Variants in GRM8 observed in about 807,000 individuals in gnomAD.
The protein encoded by GRM8 is glutamate metabotropic receptor 8.
In GRM8, 47 loss-of-function variants were observed where a neutral mutation model predicts 87.2. That is an observed-to-expected ratio of 0.54 (90% CI 0.43 to 0.69). The LOEUF (loss-of-function observed/expected upper bound fraction) is 0.69. Ranked by LOEUF, GRM8 falls within the 30% of genes least tolerant of loss-of-function variation. The probability of loss-of-function intolerance (pLI) is 0.00; values close to 1 mark genes in which losing one functional copy is unlikely to be tolerated. For synonymous variants in GRM8, 396 were observed against 404.5 expected (o/e 0.98, Z 0.25); for missense variants, 1,019 against 1,139.2 (o/e 0.89, Z 1.52).
intron 8 of GRM8, among the ~76,000 whole-genome samples, chr7:126,537,774 C>CA (rs908944819): frequency 6.7e-5 from 10 of 149,448 alleles, no homozygotes; most frequent in East Asian, 2.0e-4. Flanking sequence ...GAGACTCCGT[C>CA]AAAAAAAACA....
intron 3 of GRM8, among the ~76,000 whole-genome samples, chr7:127,001,657 T>A (rs189576055): frequency 4.0e-5 from 6 of 151,786 alleles, no homozygotes; most frequent in Admixed American, 4.0e-4. Context: ...TTTGGCAGAT[T>A]CTTATAACGT....
chr7:126,878,746 C>T (rs565203074), intron 6 of GRM8, among the ~76,000 whole-genome samples: 44 of 152,080 alleles, frequency 2.9e-4, no homozygotes, highest in Non-Finnish European at 4.9e-4. Context: ...AGGCTGTTCC[C>T]GAACTCCTGA....
chr7:127,077,631 C>G (rs1239275841), intron 3 of GRM8, among the ~76,000 whole-genome samples: 1 of 152,228 alleles, frequency 6.6e-6, no homozygotes. Flanking sequence ...GATATAGAGT[C>G]AGTTTGCATT....
chr7:126,657,481 T>C (rs1804653584), intron 7 of GRM8, among the ~76,000 whole-genome samples: 1 of 152,182 alleles, frequency 6.6e-6, no homozygotes, highest in African/African-American at 2.4e-5. Context: ...ACAGCATTAG[T>C]AAACCAAATA....
chr7:126,466,225 G>C (rs1804489875), intron 9 of GRM8, among the ~76,000 whole-genome samples: 1 of 151,646 alleles, frequency 6.6e-6, no homozygotes, highest in South Asian at 2.1e-4. Flanking sequence ...ATTATAAAGA[G>C]GGTATTTTTT....
chr7:127,072,151 C>A lies in GRM8; in HGVS notation c.727+34345G>T, dbSNP rs570439059. 1.1e-4 allele frequency among the ~76,000 whole-genome samples: 17 copies of A among 152,190 alleles called. No individual in the cohort carries two copies. In the South Asian group the frequency reaches 3.3e-3, roughly 30 times the overall value. On this transcript the variant is annotated intron_variant, in intron 3 of 10. Transcript: ENST00000339582. ...AATATATCGTGTTTCCTTGCCTGTGCACACCTGGTTCACCCAAACATCACC... is the reference window on the plus strand; with the variant it reads ...AATATATCGTGTTTCCTTGCCTGTGAACACCTGGTTCACCCAAACATCACC...
At chr7:126,596,726 G>A (rs1376092114) in intron 8 of GRM8, among the ~76,000 whole-genome samples, 2 of 152,118 alleles carry the variant, frequency 1.3e-5, no homozygotes. Context: ...CATAGTATAA[G>A]CATATGCACT....
At chr7:126,773,505 AAT>A (rs1292640935) in intron 6 of GRM8, among the ~76,000 whole-genome samples, 1 of 152,172 alleles carries the variant, frequency 6.6e-6, no homozygotes, top group Non-Finnish European at 1.5e-5. Flanking sequence ...TTCTTGATTT[AAT>A]ATATTATCAT....
intron 6 of GRM8, among the ~76,000 whole-genome samples, chr7:126,880,185 G>T (rs548733141): frequency 1.1e-4 from 16 of 152,262 alleles, no homozygotes; most frequent in Admixed American, 1.0e-3. Context: ...TAAATTGGTG[G>T]ATGGAGCTCA....
intron 8 of GRM8, among the ~76,000 whole-genome samples, chr7:126,581,657 GT>G (rs1028671288): frequency 6.6e-6 from 1 of 151,952 alleles, no homozygotes; most frequent in South Asian, 2.1e-4. Context: ...CTGATAGCAT[GT>G]TTTTTTGCAA....
intron 3 of GRM8, among the ~76,000 whole-genome samples, chr7:127,018,414 CT>C (rs113155218): frequency 0.087 from 11,535 of 133,002 alleles, 476 homozygotes; most frequent in African/African-American, 0.12. Context: ...CTTAAAGTGG[CT>C]TTTTTTTTTT....
At chr7:126,634,473 TGCATTTCAAAACTTA>T (rs973476021) in intron 7 of GRM8, among the ~76,000 whole-genome samples, 2 of 152,174 alleles carry the variant, frequency 1.3e-5, no homozygotes, top group African/African-American at 4.8e-5. Context: ...TTGTTTCCTT[TGCATTTCAAAACTTA>T]GCTCTAGACT....
chr7:126,899,090 T>C (rs1468160343), intron 6 of GRM8, among the ~76,000 whole-genome samples: 2 of 115,700 alleles, frequency 1.7e-5, no homozygotes, highest in African/African-American at 3.1e-5. Context: ...TAAAAAGTTA[T>C]GTGACTGGTT....
chr7:126,855,856 CAA>C (rs889588229), intron 6 of GRM8, among the ~76,000 whole-genome samples: 14 of 152,044 alleles, frequency 9.2e-5, no homozygotes, highest in Non-Finnish European at 1.8e-4. Flanking sequence ...TGCCAGCAAT[CAA>C]AGAGGTGATA....
chr7:126,517,524 A>G (rs953882111), intron 9 of GRM8, among the ~76,000 whole-genome samples: 65 of 152,088 alleles, frequency 4.3e-4, no homozygotes, highest in Non-Finnish European at 8.1e-4. Context: ...TATAAACACT[A>G]TACCATGCTG....
intron 3 of GRM8, among the ~76,000 whole-genome samples, chr7:126,908,704 T>C (rs916931788): frequency 6.6e-6 from 1 of 152,242 alleles, no homozygotes; most frequent in Middle Eastern, 3.2e-3. Context: ...AGAGCTGAGT[T>C]AGCTGAGTTG....
intron 6 of GRM8, among the ~76,000 whole-genome samples, chr7:126,825,550 C>G (rs1209396659): frequency 6.6e-6 from 1 of 152,048 alleles, no homozygotes; most frequent in African/African-American, 2.4e-5. Context: ...GAGTTTCCAC[C>G]ATGAATAGCC....
intron 3 of GRM8, among the ~76,000 whole-genome samples, chr7:127,103,867 C>T (rs1228245456): frequency 2.4e-4 from 36 of 152,182 alleles, no homozygotes; most frequent in Admixed American, 2.4e-3. Context: ...TGGCCCTCTC[C>T]CACTCAGAAA....
At chr7:126,479,446 G>T (rs529752937) in intron 9 of GRM8, among the ~76,000 whole-genome samples, 1 of 152,040 alleles carries the variant, frequency 6.6e-6, no homozygotes, top group South Asian at 2.1e-4. Flanking sequence ...GCCTAAATCT[G>T]GACATTTTAT....
Sources: allele counts gnomAD v4.1 joint callset (sites outside exome capture counted in the v4.1 genomes callset), GRCh38; gene constraint gnomAD v4.1.1; transcripts MANE v1.5; gene names NCBI Gene and HGNC (gene_info 2026-07-23, HGNC 2026-07-21).